Variants in PRMT1 observed in about 807,000 individuals in gnomAD.
PRMT1 encodes the protein protein arginine N-methyltransferase 1.
Under a neutral mutation model 47.4 loss-of-function variants are expected in PRMT1, and 5 were observed. The observed-to-expected ratio is 0.11, with a 90% CI of 0.06 to 0.22. The LOEUF (loss-of-function observed/expected upper bound fraction) is 0.22, where lower values mean the gene tolerates loss of function less well. Among genes scored for constraint, PRMT1 ranks in the 10% least tolerant of loss-of-function variants. The pLI is 1.00. For synonymous variants in PRMT1, 227 were observed against 204.6 expected (o/e 1.11, Z -0.94); for missense variants, 249 against 518.4 (o/e 0.48, Z 5.05).
chr19:49,683,985 C>T lies in PRMT1; in HGVS notation c.471C>T (p.Asp157=). 6.2e-7 allele frequency: 1 copy of T among 1,614,092 alleles called. No individual in the cohort carries two copies. The highest frequency in any genetic ancestry group is 8.5e-7 in the Non-Finnish European group (1 of 1,180,006). ...EEVELPVEKV[D]IIISEWMGYC... ...TGGAGCTCCCAGTGGAGAAGGTGGA[C>T]ATCATCATCAGCGAGTGGATGGGCT... Residue 157 remains aspartate (D), a synonymous_variant, in exon 6 of 11, where the codon GAC becomes GAT. Coordinates refer to ENST00000454376, the MANE Select transcript of PRMT1 (RefSeq NM_001536.6).
Position 49,680,161 on chromosome 19 carries a change from T to A in PRMT1, c.90+236T>A. The A allele has an allele frequency of 1.3e-6, 2 of 1,544,468 alleles. No individual in the cohort carries two copies. Among genetic ancestry groups the A allele is most frequent in the Non-Finnish European group, 1.8e-6 (2 of 1,132,754 alleles). On this transcript the variant is annotated intron_variant, in intron 2 of 10. Transcript: ENST00000454376. The surrounding 1 kb of genome is among the most constrained non-coding windows in gnomAD (Gnocchi z 4.2). ...CAACCCCCCTTTGCCCTTCCCTGTG[T>A]CTGCCCCCATTTTCCTTCCCCTCCC...
rs960139706 is a variant in PRMT1, at chr19:49,686,308, G to A, written c.910+65G>A. On this transcript the variant is annotated intron_variant, in intron 9 of 10. Transcript: ENST00000454376. ...CAGGGCGGAGGCGCACCCACGTAGT[G>A]GAGGGGGTGACAGAAACGGGCAGAA... 5.6e-5 allele frequency: 85 copies of A among 1,511,130 alleles called. No individual in the cohort carries two copies. In the Middle Eastern group the frequency reaches 1.1e-3, roughly 20 times the overall value. 93.6% of individuals were successfully genotyped at this position (1,511,130 alleles called of 1,614,324 possible).
chr19:49,680,856 C>G lies in PRMT1; in HGVS notation c.192+268C>G, dbSNP rs1428683547. ...GGCCTTAGCCAGAGGTCGGGCAGGG[C>G]CCACTGGTCTCTGCCGCCCTCTAGT... On this transcript the variant is annotated intron_variant, in intron 3 of 10. Coordinates refer to ENST00000454376, the MANE Select transcript of PRMT1 (RefSeq NM_001536.6). This position sits in a 1 kb window ranked among gnomAD's most constrained non-coding sequence, Gnocchi z 4.2. Among the ~76,000 whole-genome samples the G allele has an allele frequency of 1.3e-5, 2 of 152,208 alleles. No individual in the cohort carries two copies. Among genetic ancestry groups the G allele is most frequent in the Admixed American group, 6.5e-5 (1 of 15,290 alleles).
rs1233585239 is a variant in PRMT1 at position 49,680,203 on chromosome 19, T to C, written c.90+278T>C. Reference sequence around the variant, plus strand: ...TCCCCTCCCCTCCCCAGCTGTGGGCTGAGCTAGAGACGGGGTCAGAGAGAC... The same window carrying C: ...TCCCCTCCCCTCCCCAGCTGTGGGCCGAGCTAGAGACGGGGTCAGAGAGAC... On this transcript the variant is annotated intron_variant, in intron 2 of 10. Coordinates refer to ENST00000454376, the MANE Select transcript of PRMT1 (RefSeq NM_001536.6). The surrounding 1 kb of genome is among the most constrained non-coding windows in gnomAD (Gnocchi z 4.2). 6.3e-7 allele frequency: 1 copy of C among 1,593,402 alleles called. No homozygotes were observed. The highest frequency in any genetic ancestry group is 8.6e-7 in the Non-Finnish European group (1 of 1,167,504).
At chr19:49,678,290 T>C (rs2082066874) in intron 1 of PRMT1, 1 of 152,318 alleles carries the variant, frequency 6.6e-6, no homozygotes, top group Non-Finnish European at 1.5e-5. Flanking sequence ...ATGACCTCCT[T>C]CTTCCTGAAG....
At chr19:49,679,808 G>C in intron 1 of PRMT1, 64 bp from the exon 2 acceptor site, 1 of 1,345,388 alleles carries the variant, frequency 7.4e-7, no homozygotes, top group Non-Finnish European at 1.0e-6. Context: ...CCCAGGTTCC[G>C]CCACCCAGCC....
chr19:49,678,632 G>A (rs1479719468), intron 1 of PRMT1, among the ~76,000 whole-genome samples: 1 of 152,090 alleles, frequency 6.6e-6, no homozygotes, highest in Non-Finnish European at 1.5e-5. Flanking sequence ...TAATCTGATG[G>A]GGCCTCTGTC....
Position 49,682,196 on chromosome 19 carries a change from A to T in PRMT1, c.349A>T (p.Ile117Phe), listed in dbSNP as rs780543812. 6.2e-7 allele frequency: 1 copy of T among 1,614,154 alleles called. No homozygotes were observed. Residue 117 changes from isoleucine to phenylalanine, a missense_variant and splice_region_variant, in exon 5 of 11, where the codon ATC becomes TTC. Ile to Phe is a conservative substitution (Grantham distance 21). Coordinates refer to ENST00000454376, the MANE Select transcript of PRMT1 (RefSeq NM_001536.6). ...AKAGARKVIG[I>F]ECSSISDYAV... is the part of the protein sequence containing the mutation. ...CCCTCCCTTCTTCCTGGGCCCTCAG[A>T]TCGAGTGTTCCAGTATCTCTGATTA...
chr19:49,682,085 A>G lies in PRMT1; in HGVS notation c.348+20A>G. 6.2e-7 allele frequency: 1 copy of G among 1,613,806 alleles called. No homozygotes were observed. Among genetic ancestry groups the G allele is most frequent in the Non-Finnish European group, 8.5e-7 (1 of 1,179,804 alleles). On this transcript the variant is annotated intron_variant, in intron 4 of 10. Transcript: ENST00000454376. Reference sequence around the variant, plus strand: ...ATCGGGGTGAGTCTCCAGGGTGGCCAGGCGGGGCCGGGCCTGAGGGATGGA... The same window carrying G: ...ATCGGGGTGAGTCTCCAGGGTGGCCGGGCGGGGCCGGGCCTGAGGGATGGA...
upstream of PRMT1, chr19:49,676,339 C>G (rs969435986): frequency 1.3e-5 from 2 of 152,364 alleles, no homozygotes. Context: ...CAGCTTCATT[C>G]AACTAGGAAC....
In PRMT1 at chr19:49,681,864, G is replaced by A. The variant is rs1438431528; in HGVS notation, c.193-46G>A. 2 of 1,580,924 alleles carry A rather than the reference G, an allele frequency of 1.3e-6. No individual in the cohort carries two copies. Among genetic ancestry groups the A allele is most frequent in the Non-Finnish European group, 1.7e-6 (2 of 1,158,846 alleles). The stretch of plus-strand genomic sequence containing the variant: ...CTCAGGACACGCTGTTCTCCAGCTG[G>A]GGATATGGGGCCCCTCACGGCGTCT... On this transcript the variant is annotated intron_variant, in intron 3 of 10. Transcript: ENST00000454376. This position sits in a 1 kb window ranked among gnomAD's most constrained non-coding sequence, Gnocchi z 4.4.
rs569179512 is a variant in PRMT1, at chr19:49,685,450, C to A, written c.759+413C>A. On this transcript the variant is annotated intron_variant, in intron 8 of 10. Coordinates refer to ENST00000454376, the MANE Select transcript of PRMT1 (RefSeq NM_001536.6). The surrounding 1 kb of genome is among the most constrained non-coding windows in gnomAD (Gnocchi z 4.7). Reference sequence around the variant, plus strand: ...ACTTGGGCCTGGGAGTTCAAGGCTGCAGTGAGCTGTGATCACATCACTGCA... The same window carrying A: ...ACTTGGGCCTGGGAGTTCAAGGCTGAAGTGAGCTGTGATCACATCACTGCA... 1.4e-3 allele frequency: 1,601 copies of A among 1,162,398 alleles called. No individual in the cohort carries two copies. The highest frequency in any genetic ancestry group is 1.6e-3 in the Non-Finnish European group (1,477 of 931,542). The allele number at this position is 1,162,398 out of a possible 1,614,324, so 72.0% of individuals were successfully genotyped here.
chr19:49,684,195 C>A lies in PRMT1; in HGVS notation c.555+126C>A. The A allele has an allele frequency of 7.4e-7, 1 of 1,348,386 alleles. No individual in the cohort carries two copies. Among genetic ancestry groups the A allele is most frequent in the Non-Finnish European group, 1.0e-6 (1 of 972,472 alleles). 83.5% of individuals were successfully genotyped at this position (1,348,386 alleles called of 1,614,324 possible). On this transcript the variant is annotated intron_variant, in intron 6 of 10. Coordinates refer to ENST00000454376, the MANE Select transcript of PRMT1 (RefSeq NM_001536.6). The surrounding 1 kb of genome is among the most constrained non-coding windows in gnomAD (Gnocchi z 6.2). ...GGCTTAGCTGCAAGGTGTTAGAAAG[C>A]CACAGCCCAAGCCAGGTGTGACAGA...
At position 49,685,545 on chromosome 19, in the gene PRMT1, TAA is replaced by T. The variant is rs535481103; in HGVS notation, c.759+519_759+520del. 51 of 797,418 alleles carry T rather than the reference TAA, an allele frequency of 6.4e-5. No homozygotes were observed. The highest frequency in any genetic ancestry group is 2.9e-4 in the South Asian group (6 of 20,648). 49.4% of individuals were successfully genotyped at this position (797,418 alleles called of 1,614,324 possible). A position where few individuals can be genotyped will look rare whatever the true frequency, so the allele number is the denominator to read the frequency against. On this transcript the variant is annotated intron_variant, in intron 8 of 10. Transcript: ENST00000454376. The surrounding 1 kb of genome is among the most constrained non-coding windows in gnomAD (Gnocchi z 4.7). The stretch of plus-strand genomic sequence containing the variant: ...TTTTTTTTACTTCTGAGACCCTGTT[TAA>T]AAAAAAAAAATACGGCGATGAGTAT...
chr19:49,685,382 G>A lies in PRMT1; in HGVS notation c.759+345G>A. 8.1e-7 allele frequency: 1 copy of A among 1,239,070 alleles called. No individual in the cohort carries two copies. The highest frequency in any genetic ancestry group is 1.0e-6 in the Non-Finnish European group (1 of 977,020). The allele number at this position is 1,239,070 out of a possible 1,614,324, so 76.8% of individuals were successfully genotyped here. Reference sequence around the variant, plus strand: ...CTGCAGAAGAGCACGGGGCCAGGCTGGGCTCCGAGATGTGCCTGAGGTCCC... The same window carrying A: ...CTGCAGAAGAGCACGGGGCCAGGCTAGGCTCCGAGATGTGCCTGAGGTCCC... On this transcript the variant is annotated intron_variant, in intron 8 of 10. Coordinates refer to ENST00000454376, the MANE Select transcript of PRMT1 (RefSeq NM_001536.6). The surrounding 1 kb of genome is among the most constrained non-coding windows in gnomAD (Gnocchi z 4.7).
intron 9 of PRMT1, 33 bp from the exon 10 acceptor site, chr19:49,686,572 G>A (rs767856804): frequency 6.3e-7 from 1 of 1,598,100 alleles, no homozygotes; most frequent in East Asian, 2.2e-5. Flanking sequence ...GGGGGCAGCA[G>A]GCCGAGGCCG....
At chr19:49,676,155 T>C (rs1458144040), upstream of PRMT1, 1 of 152,090 alleles carries the variant, frequency 6.6e-6, no homozygotes, top group Non-Finnish European at 1.5e-5. Context: ...CGAACCCTAT[T>C]GTAAATTTTA....
In PRMT1 at chr19:49,680,494, G is replaced by T. The variant is rs369835823; in HGVS notation, c.98G>T (p.Cys33Phe). The change falls in exon 3 of 11, where the codon TGT becomes TTT. Residue 33 changes from cysteine to phenylalanine, a missense_variant. Transcript: ENST00000454376. The surrounding 1 kb of genome is among the most constrained non-coding windows in gnomAD (Gnocchi z 4.2). Reference protein sequence around the residue: ...SLQPPLEEVSCGQAESSEKPN... With the variant: ...SLQPPLEEVSFGQAESSEKPN... ...CCATCGGCCCCCTCCCAGGTGTCCT[G>T]TGGCCAGGCGGAAAGCAGTGAGAAG... 10 of 1,613,946 alleles carry T rather than the reference G, an allele frequency of 6.2e-6. No homozygotes were observed. Among genetic ancestry groups the T allele is most frequent in the Non-Finnish European group, 8.5e-6 (10 of 1,179,874 alleles).
rs2082196941 is a variant in PRMT1, at chr19:49,685,842, T to A, written c.760-251T>A. ...GCATTCTAGGAGGTCTGGACAGAGT[T>A]AGGGTGGCACTGCCAGGTTTGGGTG... On this transcript the variant is annotated intron_variant, in intron 8 of 10. Transcript: ENST00000454376. This position sits in a 1 kb window ranked among gnomAD's most constrained non-coding sequence, Gnocchi z 4.7. 7.4e-7 allele frequency: 1 copy of A among 1,349,044 alleles called. No individual in the cohort carries two copies. Among genetic ancestry groups the A allele is most frequent in the Non-Finnish European group, 9.5e-7 (1 of 1,048,760 alleles). The allele number at this position is 1,349,044 out of a possible 1,614,324, so 83.6% of individuals were successfully genotyped here. A position where few individuals can be genotyped will look rare whatever the true frequency, so the allele number is the denominator to read the frequency against.
Sources: allele counts gnomAD v4.1 joint callset (sites outside exome capture counted in the v4.1 genomes callset), GRCh38; gene constraint gnomAD v4.1.1; non-coding constraint Gnocchi (gnomAD v3.1); transcripts MANE v1.5; gene names NCBI Gene and HGNC (gene_info 2026-07-23, HGNC 2026-07-21).